GALNT14: variants seen among roughly 807,000 people sequenced by gnomAD.
The protein encoded by GALNT14 is UDP-GalNAc:polypeptide N-acetylgalactosaminyltransferase 14.
A neutral mutation model predicts 77.5 loss-of-function variants in GALNT14; 60 were observed. The ratio of observed to expected loss-of-function variants is 0.77; its 90% CI spans 0.63 to 0.96. The LOEUF (loss-of-function observed/expected upper bound fraction) is 0.96. Ranked by LOEUF, GALNT14 falls within the 40% of genes least tolerant of loss-of-function variation. GALNT14 has a pLI of 0.00. For synonymous variants in GALNT14, 280 were observed against 281.7 expected (o/e 0.99, Z 0.06); for missense variants, 710 against 731.0 (o/e 0.97, Z 0.33).
At chr2:30,933,666 G>A (rs6757404) in intron 9 of GALNT14, among the ~76,000 whole-genome samples, 1 of 152,018 alleles carries the variant, frequency 6.6e-6, no homozygotes, top group Non-Finnish European at 1.5e-5. Flanking sequence ...AGGAGGAAGA[G>A]AGCACTTCTC....
intron 8 of GALNT14, among the ~76,000 whole-genome samples, chr2:30,943,865 G>C (rs571909842): frequency 1.5e-4 from 23 of 152,304 alleles, no homozygotes; most frequent in African/African-American, 5.5e-4. Context: ...AGTTCTCAGA[G>C]TCCCCACCCC....
chr2:31,050,363 T>G (rs1004146280), intron 1 of GALNT14, among the ~76,000 whole-genome samples: 1 of 152,164 alleles, frequency 6.6e-6, no homozygotes, highest in African/African-American at 2.4e-5. Context: ...TAGAGAGCCC[T>G]GGGTTAGGCC....
chr2:31,138,263 G>C lies in GALNT14; in HGVS notation c.-177C>G. On this transcript the variant is annotated 5_prime_UTR_variant, in exon 1 of 15. Transcript: ENST00000349752. ...CGCCCTTCCCGCTTCGAAGAGAAGC[G>C]AGCCTGGGTGGGGGGTGCAGGGCGA... 1.3e-6 allele frequency: 1 copy of C among 752,170 alleles called. No individual in the cohort carries two copies. Among genetic ancestry groups the C allele is most frequent in the African/African-American group, 1.8e-5 (1 of 56,178 alleles). 46.6% of individuals were successfully genotyped at this position (752,170 alleles called of 1,614,324 possible). A position where few individuals can be genotyped will look rare whatever the true frequency, so the allele number is the denominator to read the frequency against.
chr2:30,898,569 C>G, the GALNT14 span, among the ~76,000 whole-genome samples: 1 of 152,342 alleles, frequency 6.6e-6, no homozygotes, highest in South Asian at 2.1e-4. Context: ...GTAACTTGCT[C>G]TTAGTCACAC....
chr2:31,009,847 C>T (rs936969173), intron 1 of GALNT14, among the ~76,000 whole-genome samples: 15 of 152,182 alleles, frequency 9.9e-5, no homozygotes, highest in African/African-American at 3.4e-4. Flanking sequence ...TCCCCATGTC[C>T]TGTTGGTTCT....
At chr2:31,128,921 C>T (rs924972085) in intron 1 of GALNT14, among the ~76,000 whole-genome samples, 10 of 151,710 alleles carry the variant, frequency 6.6e-5, no homozygotes, top group African/African-American at 2.4e-4. Context: ...CTGTATTTCC[C>T]TTAATCCCTT....
chr2:30,924,844 G>C (rs1187372731), intron 11 of GALNT14, 21 bp from the exon 12 acceptor site: 2 of 1,607,392 alleles, frequency 1.2e-6, no homozygotes, highest in East Asian at 2.2e-5. Context: ...CGGGGTTGTG[G>C]ACAGACACAA....
intron 6 of GALNT14, among the ~76,000 whole-genome samples, chr2:30,951,344 ATGT>A (rs1473581967): frequency 1.3e-5 from 2 of 152,238 alleles, no homozygotes; most frequent in African/African-American, 4.8e-5. Context: ...AAAAGGCCAC[ATGT>A]TGTGTGATTC....
the GALNT14 span, among the ~76,000 whole-genome samples, chr2:30,887,228 G>T: frequency 6.6e-6 from 1 of 151,978 alleles, no homozygotes; most frequent in African/African-American, 2.4e-5. Flanking sequence ...TTTTTTTCAG[G>T]GATATATGTG....
At chr2:31,059,821 G>A (rs142721795) in intron 1 of GALNT14, among the ~76,000 whole-genome samples, 8 of 152,358 alleles carry the variant, frequency 5.3e-5, no homozygotes, top group African/African-American at 1.2e-4. Context: ...GGTCCTCACC[G>A]GACACTGACT....
At chr2:31,055,527 T>G (rs1243653305) in intron 1 of GALNT14, among the ~76,000 whole-genome samples, 1 of 152,216 alleles carries the variant, frequency 6.6e-6, no homozygotes. Flanking sequence ...TATGCTGTTA[T>G]CTAATCTCTG....
At chr2:30,887,259 A>G in the GALNT14 span, among the ~76,000 whole-genome samples, 1 of 152,178 alleles carries the variant, frequency 6.6e-6, no homozygotes, top group Non-Finnish European at 1.5e-5. Flanking sequence ...TCCTAGGTCA[A>G]ATGGTAACTC....
chr2:30,932,168 C>A lies in GALNT14; in HGVS notation c.958G>T (p.Gly320Trp), dbSNP rs376736831. ...CAGGGGACGATCTCTAGGCTGCCCC[C>A]GCACATCCACACTCGGAAGGAGATT... is the stretch of plus-strand genomic sequence containing the variant. ...FEISFRVWMC[G>W]GSLEIVPCSR... Residue 320 changes from glycine to tryptophan, a missense_variant, in exon 10 of 15, where the codon GGG becomes TGG. Gly to Trp is a radical substitution (Grantham distance 184). Transcript: ENST00000349752. 3.9e-6 allele frequency: 6 copies of A among 1,540,422 alleles called. No individual in the cohort carries two copies. The highest frequency in any genetic ancestry group is 5.2e-6 in the Non-Finnish European group (6 of 1,143,360).
chr2:30,891,812 G>C, the GALNT14 span, among the ~76,000 whole-genome samples: 3 of 151,968 alleles, frequency 2.0e-5, no homozygotes, highest in African/African-American at 7.3e-5. Context: ...AGCACAGTGA[G>C]GACACCAGTG....
intron 1 of GALNT14, among the ~76,000 whole-genome samples, chr2:31,086,308 C>T (rs543449336): frequency 6.6e-6 from 1 of 152,292 alleles, no homozygotes; most frequent in Admixed American, 6.5e-5. Context: ...AGCACAGGCC[C>T]CCAGCCTTGG....
In GALNT14 at chr2:30,924,043, G is replaced by GTC. The variant is rs1198960603; in HGVS notation, c.1380+75_1380+76insGA. ...GGCATCTGATGTCATGTAAGAGCAG[G>GTC]TGATGGAGGCAGAGTCATCTGGCTG... On this transcript the variant is annotated intron_variant, in intron 13 of 14. Coordinates refer to ENST00000349752, the MANE Select transcript of GALNT14 (RefSeq NM_024572.4). The GTC allele has an allele frequency of 2.0e-6, 3 of 1,520,996 alleles. No individual in the cohort carries two copies. The East Asian group carries it at 6.8e-5, about 34-fold the overall frequency. 94.2% of individuals were successfully genotyped at this position (1,520,996 alleles called of 1,614,324 possible). A position where few individuals can be genotyped will look rare whatever the true frequency, so the allele number is the denominator to read the frequency against.
chr2:31,048,590 A>G (rs1032034778), intron 1 of GALNT14, among the ~76,000 whole-genome samples: 2 of 96,362 alleles, frequency 2.1e-5, no homozygotes, highest in African/African-American at 4.0e-5. Flanking sequence ...CTGCCTCCCC[A>G]CCCCCACTCC....
chr2:31,020,261 A>G (rs1671633275), intron 1 of GALNT14, among the ~76,000 whole-genome samples: 1 of 152,230 alleles, frequency 6.6e-6, no homozygotes, highest in African/African-American at 2.4e-5. Context: ...AATTATGTTC[A>G]TTAAAAGGAG....
chr2:31,061,246 A>T (rs535211219), intron 1 of GALNT14, among the ~76,000 whole-genome samples: 14 of 152,152 alleles, frequency 9.2e-5, no homozygotes, highest in South Asian at 8.3e-4. Flanking sequence ...TCCAATTTCA[A>T]CAGCAAGCAA....
Sources: allele counts gnomAD v4.1 joint callset (sites outside exome capture counted in the v4.1 genomes callset), GRCh38; gene constraint gnomAD v4.1.1; transcripts MANE v1.5; gene names NCBI Gene and HGNC (gene_info 2026-07-23, HGNC 2026-07-21).